Variants in ADGRE3 observed in about 807,000 individuals in gnomAD.
ADGRE3 encodes the protein adhesion G protein-coupled receptor E3.
ADGRE3 carries 88 observed loss-of-function variants against 80.1 expected under a neutral mutation model. The ratio of observed to expected loss-of-function variants is 1.10; its 90% CI spans 0.93 to 1.31. The LOEUF (loss-of-function observed/expected upper bound fraction) is 1.31. ADGRE3 is among the 40% of genes most tolerant of loss of function. The probability of loss-of-function intolerance (pLI) is 0.00; values close to 1 mark genes in which losing one functional copy is unlikely to be tolerated. For synonymous variants in ADGRE3, 281 were observed against 294.8 expected, an observed-to-expected ratio of 0.95 and a Z score of 0.48; for missense variants, 715 against 776.5, an observed-to-expected ratio of 0.92 and a Z score of 0.94.
downstream of ADGRE3, among the ~76,000 whole-genome samples, chr19:14,618,323 C>CA (rs544151785): frequency 2.0e-3 from 304 of 152,174 alleles, 1 homozygote; most frequent in African/African-American, 7.0e-3. Flanking sequence ...GAGGCCCCGG[C>CA]AGGTGGATCG....
At chr19:14,629,379 T>C (rs1180380798) in intron 14 of ADGRE3, among the ~76,000 whole-genome samples, 1 of 152,174 alleles carries the variant, frequency 6.6e-6, no homozygotes, top group African/African-American at 2.4e-5. Flanking sequence ...TTCACTCCTT[T>C]GTAGTTGTAT....
At chr19:14,655,210 G>T (rs369295077) in intron 5 of ADGRE3, 45 bp from the exon 6 acceptor site, 5 of 1,540,796 alleles carry the variant, frequency 3.2e-6, no homozygotes, top group Non-Finnish European at 4.4e-6. Context: ...ATGTAATCTG[G>T]TAAGTCCCAT....
At chr19:14,657,751 TTG>T (rs1568495293) in intron 5 of ADGRE3, among the ~76,000 whole-genome samples, 59 of 146,778 alleles carry the variant, frequency 4.0e-4, no homozygotes, top group African/African-American at 1.4e-3. Flanking sequence ...ATATATTTTT[TTG>T]TTTGTTTGTT....
At chr19:14,636,839 A>C (rs1971104245) in intron 11 of ADGRE3, among the ~76,000 whole-genome samples, 1 of 152,146 alleles carries the variant, frequency 6.6e-6, no homozygotes, top group Non-Finnish European at 1.5e-5. Context: ...CACACCTGTA[A>C]TCTCAGCACT....
chr19:14,628,707 G>T, intron 14 of ADGRE3: 1 of 386,112 alleles, frequency 2.6e-6, no homozygotes, highest in Non-Finnish European at 5.2e-6. Flanking sequence ...TGCAATAGCA[G>T]ACTGGGATGG....
chr19:14,609,663 C>A, the ADGRE3 span, among the ~76,000 whole-genome samples: 12 of 151,378 alleles, frequency 7.9e-5, no homozygotes, highest in Admixed American at 5.9e-4. Context: ...CATGGTGAAA[C>A]CCCGTCTCTA....
At chr19:14,612,457 C>G in the ADGRE3 span, among the ~76,000 whole-genome samples, 2 of 152,026 alleles carry the variant, frequency 1.3e-5, no homozygotes, top group Non-Finnish European at 2.9e-5. Context: ...GCCTCAGCCT[C>G]CTGAGTAGCT....
At chr19:14,665,681 G>A (rs1381249773) in intron 2 of ADGRE3, among the ~76,000 whole-genome samples, 2 of 151,172 alleles carry the variant, frequency 1.3e-5, no homozygotes, top group Non-Finnish European at 2.9e-5. Context: ...TTGTAGAGAT[G>A]GGGTTCTTGC....
intron 2 of ADGRE3, among the ~76,000 whole-genome samples, chr19:14,667,611 G>T (rs1252299323): frequency 6.6e-6 from 1 of 151,918 alleles, no homozygotes; most frequent in Non-Finnish European, 1.5e-5. Flanking sequence ...AACACCGCAT[G>T]TTCTCACTCA....
chr19:14,620,462 A>ATT (rs1970522969), intron 15 of ADGRE3, among the ~76,000 whole-genome samples: 3 of 134,818 alleles, frequency 2.2e-5, no homozygotes, highest in Non-Finnish European at 4.7e-5. Flanking sequence ...ATATGAATAT[A>ATT]TGAATATATT....
chr19:14,674,306 G>A (rs1458050759), intron 1 of ADGRE3, among the ~76,000 whole-genome samples: 1 of 152,038 alleles, frequency 6.6e-6, no homozygotes, highest in African/African-American at 2.4e-5. Context: ...AGACCAGCCA[G>A]GGCAACATGG....
the ADGRE3 span, chr19:14,609,994 C>A: frequency 8.9e-7 from 1 of 1,129,842 alleles, no homozygotes; most frequent in Non-Finnish European, 1.3e-6. Context: ...TTCATCATTA[C>A]AGTATTATAC....
At chr19:14,607,508 C>A in the ADGRE3 span, among the ~76,000 whole-genome samples, 2 of 150,466 alleles carry the variant, frequency 1.3e-5, no homozygotes, top group East Asian at 4.0e-4. Context: ...CGGCCAGGAG[C>A]TGGTTTTTAC....
chr19:14,620,532 A>AC lies in ADGRE3; in HGVS notation c.1921-1062_1921-1061insG, dbSNP rs1568471314. ...ATATTATGACTATATATGAATATATATATTTTATATATATATTATATATAT... is the reference window on the plus strand; with the variant it reads ...ATATTATGACTATATATGAATATATACTATTTTATATATATATTATATATAT... On this transcript the variant is annotated intron_variant, in intron 15 of 15. Coordinates refer to ENST00000253673, the MANE Select transcript of ADGRE3 (RefSeq NM_032571.5). Among the ~76,000 whole-genome samples, 18 of 14,248 alleles carry AC rather than the reference A, an allele frequency of 1.3e-3. 1 individual carries two copies. Among genetic ancestry groups the AC allele is most frequent in the African/African-American group, 8.5e-3 (18 of 2,118 alleles). The allele number at this position is 14,248 out of a possible 152,430, so 9.3% of individuals were successfully genotyped here.
chr19:14,671,655 A>G (rs564170209), intron 1 of ADGRE3, among the ~76,000 whole-genome samples: 2 of 152,280 alleles, frequency 1.3e-5, no homozygotes, highest in African/African-American at 4.8e-5. Flanking sequence ...CCTTCCCCCA[A>G]GAAGATGCCA....
At chr19:14,664,504 G>A (rs1599651446) in intron 2 of ADGRE3, among the ~76,000 whole-genome samples, 1 of 152,034 alleles carries the variant, frequency 6.6e-6, no homozygotes, top group South Asian at 2.1e-4. Context: ...CTAGGAGTTG[G>A]AGAGCAGCCT....
At chr19:14,604,666 G>T in the ADGRE3 span, among the ~76,000 whole-genome samples, 16 of 151,824 alleles carry the variant, frequency 1.1e-4, no homozygotes, top group Admixed American at 7.9e-4. Context: ...AGGAGGCTGA[G>T]GCAGGAAAAT....
At chr19:14,604,579 A>G in the ADGRE3 span, among the ~76,000 whole-genome samples, 1 of 152,028 alleles carries the variant, frequency 6.6e-6, no homozygotes. Context: ...CCTGGCCAAC[A>G]TGGTGAAACC....
intron 2 of ADGRE3, among the ~76,000 whole-genome samples, chr19:14,663,881 C>T (rs1237324276): frequency 2.6e-5 from 4 of 152,060 alleles, no homozygotes; most frequent in South Asian, 2.1e-4. Flanking sequence ...ACACGTGCCA[C>T]GTTGGTTTGC....
Sources: gnomAD v4.1 joint callset for allele counts (sites outside exome capture counted in the v4.1 genomes callset) on GRCh38, gnomAD v4.1.1 for gene constraint, MANE v1.5 for transcripts, NCBI Gene and HGNC (gene_info 2026-07-23, HGNC 2026-07-21) for gene names.